The following SFMBT1 variants were observed in gnomAD, a reference collection of about 807,000 sequenced individuals.
SFMBT1 encodes scm-like with four MBT domains protein 1.
SFMBT1 carries 32 observed loss-of-function variants against 108.7 expected under a neutral mutation model. The ratio of observed to expected loss-of-function variants is 0.29; its 90% CI spans 0.22 to 0.40. The LOEUF (loss-of-function observed/expected upper bound fraction) is 0.40. Ranked by LOEUF, SFMBT1 falls within the 10% of genes least tolerant of loss-of-function variation. The pLI is 1.00. For missense variants in SFMBT1, 816 were observed against 1,059.6 expected, an observed-to-expected ratio of 0.77 and a Z score of 3.19; for synonymous variants, 348 against 369.5, an observed-to-expected ratio of 0.94 and a Z score of 0.67.
At chr3:53,020,122 G>A (rs150365083) in intron 1 of SFMBT1, among the ~76,000 whole-genome samples, 23 of 151,950 alleles carry the variant, frequency 1.5e-4, no homozygotes, top group East Asian at 9.7e-4. Context: ...AAAGTAGGCC[G>A]GGCGTGATGT....
intron 1 of SFMBT1, among the ~76,000 whole-genome samples, chr3:52,991,602 C>A (rs1705133890): frequency 6.6e-6 from 1 of 152,104 alleles, no homozygotes; most frequent in Non-Finnish European, 1.5e-5. Flanking sequence ...CCTCGGCCTC[C>A]CAAAGTGCTG....
chr3:53,000,566 T>C (rs1168211763), intron 1 of SFMBT1, among the ~76,000 whole-genome samples: 1 of 149,946 alleles, frequency 6.7e-6, no homozygotes. Flanking sequence ...TACATATATA[T>C]GCCTATATAT....
Position 52,907,112 on chromosome 3 carries a change from G to A in SFMBT1, c.2288C>T (p.Thr763Ile), listed in dbSNP as rs756001447. The change falls in exon 19 of 21, where the codon ACC (threonine) becomes ATC (isoleucine). Residue 763 changes from threonine (T) to isoleucine (I), a missense_variant. Physicochemically the swap from Thr to Ile is moderately conservative, Grantham distance 89. Coordinates refer to ENST00000394752, the MANE Select transcript of SFMBT1 (RefSeq NM_016329.4). ...ATTTTCATCGTCAGAAAATGAAAAG[G>A]TGCGAAGCTCCCTTTTTCTCCTTTG... ...DRQRRKRELR[T>I]FSFSDDENKP... is the part of the protein sequence containing the mutation. 2 of 1,614,010 alleles carry A rather than the reference G, an allele frequency of 1.2e-6. No homozygotes were observed. Among genetic ancestry groups the A allele is most frequent in the Non-Finnish European group, 8.5e-7 (1 of 1,180,006 alleles).
At chr3:52,980,708 C>T (rs1261210584) in intron 1 of SFMBT1, among the ~76,000 whole-genome samples, 4 of 150,884 alleles carry the variant, frequency 2.7e-5, no homozygotes, top group East Asian at 3.9e-4. Flanking sequence ...ACTGCAGCTA[C>T]GCCAACAGGT....
At chr3:53,041,007 G>A (rs1407073299) in intron 1 of SFMBT1, among the ~76,000 whole-genome samples, 1 of 44,920 alleles carries the variant, frequency 2.2e-5, no homozygotes, top group Non-Finnish European at 4.7e-5. Flanking sequence ...TTTTTTTGTA[G>A]AGACAGGGCT....
At chr3:53,015,983 C>T (rs1325393726) in intron 1 of SFMBT1, among the ~76,000 whole-genome samples, 2 of 152,056 alleles carry the variant, frequency 1.3e-5, no homozygotes, top group African/African-American at 2.4e-5. Context: ...TTTTCTTCTT[C>T]ACACAGCAAG....
At chr3:52,966,576 G>A (rs1378756911) in intron 2 of SFMBT1, among the ~76,000 whole-genome samples, 1 of 122,140 alleles carries the variant, frequency 8.2e-6, no homozygotes, top group Non-Finnish European at 1.6e-5. Context: ...AGTGAGCCGA[G>A]ATCACGCCAC....
intron 1 of SFMBT1, among the ~76,000 whole-genome samples, chr3:52,998,322 G>A (rs1698413429): frequency 6.7e-6 from 1 of 150,206 alleles, no homozygotes; most frequent in African/African-American, 2.4e-5. Context: ...AACCCAGGAG[G>A]TGAAGCTTGC....
chr3:53,009,439 A>T (rs1309213517), intron 1 of SFMBT1, among the ~76,000 whole-genome samples: 1 of 152,050 alleles, frequency 6.6e-6, no homozygotes, highest in South Asian at 2.1e-4. Flanking sequence ...CTCAAAAAAT[A>T]AATAAATAAA....
In SFMBT1 at chr3:53,017,006, A is replaced by G. The variant is rs143968962; in HGVS notation, c.-131+28810T>C. Among the ~76,000 whole-genome samples the G allele has an allele frequency of 0.012, 1,803 of 152,332 alleles. 115 individuals are homozygous for G. The South Asian group carries it at 0.17, about 14-fold the overall frequency. ...AACTAGATTCGTCTCCAGTGTCTAG[A>G]CTTATATAACCACTAAGAAAAATAG... is the stretch of plus-strand genomic sequence containing the variant. On this transcript the variant is annotated intron_variant, in intron 1 of 20. Coordinates refer to ENST00000394752, the MANE Select transcript of SFMBT1 (RefSeq NM_016329.4).
intron 1 of SFMBT1, among the ~76,000 whole-genome samples, chr3:53,003,764 A>AG (rs1698639948): frequency 1.6e-5 from 2 of 125,400 alleles, no homozygotes; most frequent in South Asian, 6.7e-4. Context: ...AAGGTCAAAA[A>AG]AAAAAAAAAA....
chr3:52,984,223 T>C (rs961357576), intron 1 of SFMBT1, among the ~76,000 whole-genome samples: 2 of 152,190 alleles, frequency 1.3e-5, no homozygotes, highest in African/African-American at 4.8e-5. Flanking sequence ...GGCAATATGA[T>C]TACTTCCCTC....
intron 1 of SFMBT1, among the ~76,000 whole-genome samples, chr3:52,976,946 G>A (rs779425899): frequency 6.6e-5 from 10 of 152,180 alleles, no homozygotes; most frequent in Non-Finnish European, 7.3e-5. Context: ...AATGGAAGCC[G>A]TCATTATCAG....
intron 3 of SFMBT1, among the ~76,000 whole-genome samples, chr3:52,946,081 A>C (rs1676697393): frequency 6.6e-6 from 1 of 152,208 alleles, no homozygotes; most frequent in South Asian, 2.1e-4. Context: ...ATTATTACCA[A>C]ATCTGCACAA....
chr3:53,028,699 C>T (rs892092958), intron 1 of SFMBT1, among the ~76,000 whole-genome samples: 1 of 152,098 alleles, frequency 6.6e-6, no homozygotes, highest in Non-Finnish European at 1.5e-5. Flanking sequence ...AAAAAAATTA[C>T]CTGCTAGAAC....
At chr3:52,916,327 C>A in intron 13 of SFMBT1, 113 bp from the exon 14 acceptor site, 8 of 708,004 alleles carry the variant, frequency 1.1e-5, no homozygotes, top group Non-Finnish European at 1.9e-5. Flanking sequence ...TTCGCAAAAT[C>A]TGTAACAGAA....
At chr3:52,928,643 T>TACATATATATAC (rs1305309822) in intron 8 of SFMBT1, 14 of 50,524 alleles carry the variant, frequency 2.8e-4, no homozygotes, top group South Asian at 1.1e-3. Context: ...TATACATATA[T>TACATATATATAC]ATATATATAT....
In SFMBT1 at chr3:52,931,039, T is replaced by C; in HGVS notation, c.701-4A>G. Reference sequence around the variant, plus strand: ...TCATTTTTTAGATGTCTAATGGCTTTAATAAAACATGACAACATGCTTTAG... The same window carrying C: ...TCATTTTTTAGATGTCTAATGGCTTCAATAAAACATGACAACATGCTTTAG... On this transcript the variant is annotated splice_region_variant and splice_polypyrimidine_tract_variant and intron_variant, in intron 6 of 20. Transcript: ENST00000394752. 2 of 1,612,250 alleles carry C rather than the reference T, an allele frequency of 1.2e-6. No homozygotes were observed. The highest frequency in any genetic ancestry group is 1.7e-6 in the Non-Finnish European group (2 of 1,178,356).
At chr3:52,968,680 A>G (rs561019653) in intron 2 of SFMBT1, among the ~76,000 whole-genome samples, 8 of 150,880 alleles carry the variant, frequency 5.3e-5, no homozygotes, top group Non-Finnish European at 8.8e-5. Flanking sequence ...GCTCACTGCA[A>G]GCTCTGCCTC....
Sources: gnomAD v4.1 joint callset for allele counts (sites outside exome capture counted in the v4.1 genomes callset) on GRCh38, gnomAD v4.1.1 for gene constraint, MANE v1.5 for transcripts, NCBI Gene and HGNC (gene_info 2026-07-23, HGNC 2026-07-21) for gene names.